Variants in NUCB2 observed in about 807,000 individuals in gnomAD.
NUCB2 encodes the protein nucleobindin-2.
In NUCB2, 48 loss-of-function variants were observed where a neutral mutation model predicts 57.9. That is an observed-to-expected ratio of 0.83 (90% CI 0.66 to 1.05). NUCB2 has a LOEUF of 1.05. Among genes scored for constraint, NUCB2 ranks in the 50% least tolerant of loss-of-function variants. The pLI is 0.00. For missense variants in NUCB2, 442 were observed against 476.2 expected, an observed-to-expected ratio of 0.93 and a Z score of 0.67; for synonymous variants, 139 against 152.1, an observed-to-expected ratio of 0.91 and a Z score of 0.64.
At chr11:17,288,882 T>TACACACACACACACACACACACACACAC (rs1167995024) in intron 2 of NUCB2, among the ~76,000 whole-genome samples, 17 of 44,660 alleles carry the variant, frequency 3.8e-4, no homozygotes, top group South Asian at 8.7e-4. Context: ...AACATGTATA[T>TACACACACACACACACACACACACACAC]ACACACACAC....
At chr11:17,331,033 A>C in intron 13 of NUCB2, 50 bp downstream of exon 13, 1 of 1,100,966 alleles carries the variant, frequency 9.1e-7, no homozygotes, top group South Asian at 1.4e-5. Context: ...TTATTTTATC[A>C]ATTGAAATCC....
intron 2 of NUCB2, among the ~76,000 whole-genome samples, 155 bp from the exon 3 acceptor site, chr11:17,295,169 A>G (rs750873013): frequency 6.6e-6 from 1 of 152,062 alleles, no homozygotes; most frequent in Non-Finnish European, 1.5e-5. Context: ...ATTATTTTTG[A>G]CAAGTTTTAA....
downstream of NUCB2, chr11:17,333,239 A>G (rs540827682): frequency 2.6e-5 from 4 of 152,170 alleles, no homozygotes; most frequent in African/African-American, 9.6e-5. Flanking sequence ...GGAGGTTTTT[A>G]TTGTACATTA....
At chr11:17,333,500 A>G (rs1951574542), downstream of NUCB2, 1 of 152,224 alleles carries the variant, frequency 6.6e-6, no homozygotes, top group African/African-American at 2.4e-5. Flanking sequence ...ATTTACATGG[A>G]CAGTATTAAC....
Position 17,312,130 on chromosome 11 carries a change from A to C in NUCB2, c.912+10A>C. On this transcript the variant is annotated intron_variant, in intron 10 of 13. Coordinates refer to ENST00000529010, the MANE Select transcript of NUCB2 (RefSeq NM_005013.4). Reference sequence around the variant, plus strand: ...ACATGTAATGAATGAGGTATGTTTTAAAAGTTTAAGATAATATGTTATTTC... The same window carrying C: ...ACATGTAATGAATGAGGTATGTTTTCAAAGTTTAAGATAATATGTTATTTC... 2 of 1,276,812 alleles carry C rather than the reference A, an allele frequency of 1.6e-6. No individual in the cohort carries two copies. The highest frequency in any genetic ancestry group is 2.2e-6 in the Non-Finnish European group (2 of 898,754). The allele number at this position is 1,276,812 out of a possible 1,614,324, so 79.1% of individuals were successfully genotyped here. A position where few individuals can be genotyped will look rare whatever the true frequency, so the allele number is the denominator to read the frequency against.
At chr11:17,290,026 T>C (rs749904499) in intron 2 of NUCB2, among the ~76,000 whole-genome samples, 5 of 152,204 alleles carry the variant, frequency 3.3e-5, no homozygotes, top group Non-Finnish European at 7.3e-5. Flanking sequence ...TTCATTTGCA[T>C]TGTTTGGCTG....
At chr11:17,288,549 C>CTTTTTTTTTTTTTTTT (rs752336919) in intron 2 of NUCB2, among the ~76,000 whole-genome samples, 4 of 75,864 alleles carry the variant, frequency 5.3e-5, no homozygotes, top group Non-Finnish European at 7.4e-5. Flanking sequence ...TCTTCTTCTT[C>CTTTTTTTTTTTTTTTT]TTCTTTTTTT....
chr11:17,293,524 C>T (rs904368953), intron 2 of NUCB2, among the ~76,000 whole-genome samples: 3 of 152,154 alleles, frequency 2.0e-5, no homozygotes, highest in African/African-American at 7.2e-5. Flanking sequence ...ACCAAACTGA[C>T]TCAGCAATTC....
intron 13 of NUCB2, 122 bp downstream of exon 13, chr11:17,331,105 TG>T (rs772771639): frequency 6.0e-6 from 5 of 836,970 alleles, no homozygotes; most frequent in Non-Finnish European, 9.1e-6. Flanking sequence ...GTGTATTTTT[TG>T]TGGTATTAGA....
At chr11:17,338,331 C>T (rs1324139980) in intron 2 of NUCB2, among the ~76,000 whole-genome samples, 2 of 152,150 alleles carry the variant, frequency 1.3e-5, no homozygotes, top group South Asian at 4.1e-4. Context: ...CAGCCATGCT[C>T]TTGGTGATCC....
intron 1 of NUCB2, among the ~76,000 whole-genome samples, chr11:17,278,842 C>A (rs1011408368): frequency 6.6e-6 from 1 of 152,056 alleles, no homozygotes; most frequent in East Asian, 1.9e-4. Flanking sequence ...TACAAAATAC[C>A]CTTTTGAGTA....
intron 11 of NUCB2, among the ~76,000 whole-genome samples, chr11:17,321,729 G>C (rs1950045789): frequency 6.6e-6 from 1 of 151,904 alleles, no homozygotes; most frequent in South Asian, 2.1e-4. Flanking sequence ...AGTGTACGAG[G>C]GTTCTTTTTT....
At chr11:17,280,259 G>A (rs985646312) in intron 1 of NUCB2, among the ~76,000 whole-genome samples, 1 of 152,088 alleles carries the variant, frequency 6.6e-6, no homozygotes, top group Non-Finnish European at 1.5e-5. Context: ...TGGAAAAAAA[G>A]GAGATATAAT....
At chr11:17,304,629 T>A (rs1458463366) in intron 5 of NUCB2, among the ~76,000 whole-genome samples, 1 of 152,062 alleles carries the variant, frequency 6.6e-6, no homozygotes, top group Non-Finnish European at 1.5e-5. Context: ...ATGGAAAAAA[T>A]TACTATAAAC....
Position 17,312,071 on chromosome 11 carries a change from T to C in NUCB2, c.863T>C (p.Val288Ala). The C allele has an allele frequency of 3.8e-6, 6 of 1,591,286 alleles. No homozygotes were observed. Among genetic ancestry groups the C allele is most frequent in the Non-Finnish European group, 5.1e-6 (6 of 1,168,732 alleles). The change falls in exon 10 of 14, where the codon GTA becomes GCA. Residue 288 changes from valine to alanine, a missense_variant. By Grantham distance (64) the Val-to-Ala change is moderately conservative. Coordinates refer to ENST00000529010, the MANE Select transcript of NUCB2 (RefSeq NM_005013.4). ...CCTAAAAATGAAGAGGATGATATGG[T>C]AGAAATGGAAGAAGAAAGGCTTAGA... The part of the protein sequence containing the change: ...YDPKNEEDDM[V>A]EMEEERLRMR...
At chr11:17,346,103 T>C (rs1414270016) in intron 2 of NUCB2, among the ~76,000 whole-genome samples, 4 of 152,210 alleles carry the variant, frequency 2.6e-5, no homozygotes, top group Non-Finnish European at 5.9e-5. Flanking sequence ...ATAGAATGGA[T>C]TATTTGTAAA....
At chr11:17,344,928 A>AT (rs1319615151) in intron 2 of NUCB2, among the ~76,000 whole-genome samples, 3 of 152,210 alleles carry the variant, frequency 2.0e-5, no homozygotes, top group African/African-American at 7.2e-5. Flanking sequence ...TGGAAGATGG[A>AT]TCCCCCTTTC....
At chr11:17,348,351 TG>T (rs1952937406) in intron 2 of NUCB2, among the ~76,000 whole-genome samples, 1 of 64,676 alleles carries the variant, frequency 1.5e-5, no homozygotes, top group African/African-American at 5.3e-5. Flanking sequence ...TTTTTTTTTT[TG>T]GAGACAGAGT....
intron 6 of NUCB2, among the ~76,000 whole-genome samples, chr11:17,310,061 G>A: frequency 6.6e-6 from 1 of 152,072 alleles, no homozygotes; most frequent in East Asian, 1.9e-4. Flanking sequence ...TTTCTTTAAG[G>A]TAGAAAATTC....
Sources: gnomAD v4.1 joint callset for allele counts (sites outside exome capture counted in the v4.1 genomes callset) on GRCh38, gnomAD v4.1.1 for gene constraint, MANE v1.5 for transcripts, NCBI Gene and HGNC (gene_info 2026-07-23, HGNC 2026-07-21) for gene names.